Variants in SLC12A4 observed in about 807,000 individuals in gnomAD.
SLC12A4 encodes solute carrier family 12 member 4, also known as electroneutral potassium-chloride cotransporter 1.
A neutral mutation model predicts 119.2 loss-of-function variants in SLC12A4; 84 were observed. The observed-to-expected ratio is 0.70, with a 90% CI of 0.59 to 0.85. The LOEUF (loss-of-function observed/expected upper bound fraction) is 0.85, where lower values mean the gene tolerates loss of function less well. SLC12A4 is among the 40% of genes least tolerant of loss of function. The probability of loss-of-function intolerance (pLI) is 0.00; values close to 1 mark genes in which losing one functional copy is unlikely to be tolerated. For missense variants in SLC12A4, 1,298 were observed against 1,476.3 expected, an observed-to-expected ratio of 0.88 and a Z score of 1.98; for synonymous variants, 599 against 604.6, an observed-to-expected ratio of 0.99 and a Z score of 0.14.
chr16:67,949,949 G>GA lies in SLC12A4; in HGVS notation c.1630-32_1630-31insT. On this transcript the variant is annotated intron_variant, in intron 12 of 23. Coordinates refer to ENST00000316341, the MANE Select transcript of SLC12A4 (RefSeq NM_005072.5). The surrounding 1 kb of genome is among the most constrained non-coding windows in gnomAD (Gnocchi z 4.6). The stretch of plus-strand genomic sequence containing the variant: ...TGCACCAGGAAGGAAGCTGGGTCCT[G>GA]TCACCCCCATTCCACACCTTGGGCC... 1 of 1,538,206 alleles carries GA rather than the reference G, an allele frequency of 6.5e-7. No individual in the cohort carries two copies. The highest frequency in any genetic ancestry group is 1.4e-5 in the African/African-American group (1 of 73,444).
At chr16:67,962,633 G>A (rs1257435308) in intron 2 of SLC12A4, 1 of 152,240 alleles carries the variant, frequency 6.6e-6, no homozygotes, top group East Asian at 1.9e-4. Context: ...TAGAAGTCAG[G>A]AGTTCAAGAC....
intron 21 of SLC12A4, 23 bp downstream of exon 21, chr16:67,945,741 C>A (rs749029864): frequency 6.9e-6 from 11 of 1,603,818 alleles, no homozygotes; most frequent in African/African-American, 1.3e-5. Context: ...CCCGCCCTGG[C>A]GTGAACCACA....
At position 67,944,255 on chromosome 16, in the gene SLC12A4, C is replaced by T. The variant is rs1279235047; in HGVS notation, c.*585G>A. On this transcript the variant is annotated 3_prime_UTR_variant, in exon 24 of 24. Transcript: ENST00000316341. The surrounding 1 kb of genome is among the most constrained non-coding windows in gnomAD (Gnocchi z 6.6). The stretch of plus-strand genomic sequence containing the variant: ...GGAAAGGGGCACAGCCTCAGGGAGC[C>T]GGCTCTGGGCCTGGGTTCAGTTCCG... The T allele has an allele frequency of 1.3e-5, 18 of 1,422,980 alleles. No individual in the cohort carries two copies. In the East Asian group the frequency reaches 2.8e-4, roughly 22 times the overall value. 88.1% of individuals were successfully genotyped at this position (1,422,980 alleles called of 1,614,324 possible).
intron 3 of SLC12A4, among the ~76,000 whole-genome samples, chr16:67,961,285 A>G (rs933391423): frequency 7.2e-5 from 11 of 152,128 alleles, no homozygotes; most frequent in African/African-American, 2.2e-4. Flanking sequence ...ACATATGAGA[A>G]CCCAGGCCTG....
At chr16:67,957,081 G>A (rs2030302353) in intron 5 of SLC12A4, among the ~76,000 whole-genome samples, 2 of 151,704 alleles carry the variant, frequency 1.3e-5, no homozygotes, top group East Asian at 3.9e-4. Flanking sequence ...GCTCACTACT[G>A]CAACCTCTGC....
Position 67,946,219 on chromosome 16 carries a change from G to A in SLC12A4, c.2559C>T (p.His853=). The change falls in exon 19 of 24, where the codon CAC becomes CAT. Residue 853 remains histidine, a synonymous_variant. Transcript: ENST00000316341. ...EGHIDVWWIV[H]DGGMLMLLPF... is the part of the protein sequence containing the mutation. ...GCAGAAGCATGAGCATGCCACCATC[G>A]TGCACGATCCACCACACGTCTATGT... 2 of 1,613,910 alleles carry A rather than the reference G, an allele frequency of 1.2e-6. No individual in the cohort carries two copies. The highest frequency in any genetic ancestry group is 1.7e-6 in the Non-Finnish European group (2 of 1,180,028).
At position 67,948,047 on chromosome 16, in the gene SLC12A4, G is replaced by A. The variant is rs1247508224; in HGVS notation, c.1847+14C>T. On this transcript the variant is annotated intron_variant, in intron 14 of 23. Coordinates refer to ENST00000316341, the MANE Select transcript of SLC12A4 (RefSeq NM_005072.5). ...GGCCTCCCCAGGGTCTCCCGTGTCAGAGGCATGGCTCACCAGTGATAGTAC... is the reference window on the plus strand; with the variant it reads ...GGCCTCCCCAGGGTCTCCCGTGTCAAAGGCATGGCTCACCAGTGATAGTAC... 4 of 1,612,582 alleles carry A rather than the reference G, an allele frequency of 2.5e-6. No individual in the cohort carries two copies. The highest frequency in any genetic ancestry group is 3.4e-6 in the Non-Finnish European group (4 of 1,179,556).
At chr16:67,958,114 C>A in intron 3 of SLC12A4, 70 bp from the exon 4 acceptor site, 1 of 1,540,708 alleles carries the variant, frequency 6.5e-7, no homozygotes, top group Non-Finnish European at 8.8e-7. Context: ...CAGCCCTAGT[C>A]ACTCAGCAGG....
At position 67,947,706 on chromosome 16, in the gene SLC12A4, T is replaced by C. The variant is rs764883556; in HGVS notation, c.1930A>G (p.Ile644Val). ...SWYYALVAML[I>V]AGMIYKYIEY... ...ATGTATTTGTAGATCATGCCGGCGA[T>C]GAGCATGGCCACCAGGGCATAGTAC... is the stretch of plus-strand genomic sequence containing the variant. Residue 644 changes from isoleucine (I) to valine (V), a missense_variant, in exon 15 of 24, where the codon ATC (isoleucine) becomes GTC (valine). Ile to Val is a conservative substitution (Grantham distance 29). Coordinates refer to ENST00000316341, the MANE Select transcript of SLC12A4 (RefSeq NM_005072.5). 6.3e-7 allele frequency: 1 copy of C among 1,597,788 alleles called. No homozygotes were observed. Among genetic ancestry groups the C allele is most frequent in the African/African-American group, 1.3e-5 (1 of 74,652 alleles).
chr16:67,945,717 G>T, intron 21 of SLC12A4, 47 bp downstream of exon 21: 1 of 1,578,408 alleles, frequency 6.3e-7, no homozygotes, highest in East Asian at 2.2e-5. Flanking sequence ...GTCTCCAAAG[G>T]CCTGACCCTG....
intron 6 of SLC12A4, 43 bp downstream of exon 6, chr16:67,954,600 G>A: frequency 1.2e-6 from 2 of 1,612,394 alleles, no homozygotes; most frequent in Non-Finnish European, 1.7e-6. Flanking sequence ...CAAAGGGACT[G>A]TTTGGACATG....
Position 67,949,048 on chromosome 16 carries a change from A to C in SLC12A4, c.1748+752T>G, listed in dbSNP as rs1431850521. On this transcript the variant is annotated intron_variant, in intron 13 of 23. Transcript: ENST00000316341. The surrounding 1 kb of genome is among the most constrained non-coding windows in gnomAD (Gnocchi z 4.6). ...CAGCCTGGACAGAGTCAACCAAACA[A>C]GCGCTGCCTCGGGGTCCCTGGGAGT... Among the ~76,000 whole-genome samples the C allele has an allele frequency of 6.6e-6, 1 of 152,170 alleles. No individual in the cohort carries two copies. Among genetic ancestry groups the C allele is most frequent in the Non-Finnish European group, 1.5e-5 (1 of 68,016 alleles).
chr16:67,947,515 C>T (rs555164436), intron 15 of SLC12A4, 80 bp from the exon 16 acceptor site: 1 of 1,508,502 alleles, frequency 6.6e-7, no homozygotes, highest in Non-Finnish European at 9.0e-7. Context: ...TGGAGGGGTT[C>T]TGCCCCTCAA....
At chr16:67,953,792 G>T (rs921724019) in intron 6 of SLC12A4, among the ~76,000 whole-genome samples, 1 of 152,134 alleles carries the variant, frequency 6.6e-6, no homozygotes, top group East Asian at 1.9e-4. Context: ...GTTTGAGCAA[G>T]AAAATAAATA....
chr16:67,946,052 T>A lies in SLC12A4; in HGVS notation c.2638A>T (p.Thr880Ser). Reference protein sequence around the residue: ...VWRKCRMRIFTVAQMDDNSIQ... With the variant: ...VWRKCRMRIFSVAQMDDNSIQ... ...CTGTTGTCATCCATCTGGGCCACTG[T>A]GAAGATGCGCATCCGGCACTTCCTC... The change falls in exon 20 of 24, where the codon ACA becomes TCA. Residue 880 changes from threonine to serine, a missense_variant. Coordinates refer to ENST00000316341, the MANE Select transcript of SLC12A4 (RefSeq NM_005072.5). 6.2e-7 allele frequency: 1 copy of A among 1,613,966 alleles called. No homozygotes were observed. The highest frequency in any genetic ancestry group is 8.5e-7 in the Non-Finnish European group (1 of 1,179,986).
At chr16:67,958,159 G>C (rs1221663715) in intron 3 of SLC12A4, 115 bp from the exon 4 acceptor site, 1 of 1,015,600 alleles carries the variant, frequency 9.8e-7, no homozygotes, top group Non-Finnish European at 1.4e-6. Context: ...GGAACACAGA[G>C]AGTAGGGGTG....
At position 67,950,048 on chromosome 16, in the gene SLC12A4, A is replaced by G. The variant is rs2058396313; in HGVS notation, c.1630-130T>C. ...TCAGGCCGCCCCTGTGTCTATCCCT[A>G]TGGGTGTCACCAGTCTCCCTGATTC... On this transcript the variant is annotated intron_variant, in intron 12 of 23. Transcript: ENST00000316341. This position sits in a 1 kb window ranked among gnomAD's most constrained non-coding sequence, Gnocchi z 4.3. 6.6e-6 allele frequency: 5 copies of G among 752,562 alleles called. No homozygotes were observed. The highest frequency in any genetic ancestry group is 4.7e-5 in the South Asian group (3 of 63,178). 46.6% of individuals were successfully genotyped at this position (752,562 alleles called of 1,614,324 possible). A position where few individuals can be genotyped will look rare whatever the true frequency, so the allele number is the denominator to read the frequency against.
At chr16:67,955,010 T>C (rs1458423254) in intron 5 of SLC12A4, among the ~76,000 whole-genome samples, 1 of 152,314 alleles carries the variant, frequency 6.6e-6, no homozygotes, top group African/African-American at 2.4e-5. Context: ...AATAACTGCT[T>C]TGCGGGAGCA....
In SLC12A4 at chr16:67,945,767, T is replaced by C. The variant is rs766843261; in HGVS notation, c.2844A>G (p.Arg948=). 8 of 1,612,858 alleles carry C rather than the reference T, an allele frequency of 5.0e-6. No homozygotes were observed. The African/African-American group carries it at 9.3e-5, about 19-fold the overall frequency. ...GTGAACCACAAAGGGCACTGACTTC[T>C]CGCTCCCGCTCAGTCTTGGTCAGTC... The part of the protein sequence containing the change: ...QMRLTKTERE[R]EAQLVKDRHS... Residue 948 remains arginine, a synonymous_variant, in exon 21 of 24, where the codon CGA becomes CGG. Coordinates refer to ENST00000316341, the MANE Select transcript of SLC12A4 (RefSeq NM_005072.5).
Sources: allele counts gnomAD v4.1 joint callset (sites outside exome capture counted in the v4.1 genomes callset), GRCh38; gene constraint gnomAD v4.1.1; non-coding constraint Gnocchi (gnomAD v3.1); transcripts MANE v1.5; gene names NCBI Gene and HGNC (gene_info 2026-07-23, HGNC 2026-07-21).